SATB2: variants seen among roughly 807,000 people sequenced by gnomAD.
SATB2 encodes the protein DNA-binding protein SATB2.
In SATB2, 1 loss-of-function variant was observed where a neutral mutation model predicts 73.4. The observed-to-expected ratio is 0.01, with a 90% CI of 0.00 to 0.06. SATB2 has a LOEUF of 0.06. SATB2 is among the 10% of genes least tolerant of loss of function. The pLI is 1.00. For synonymous variants in SATB2, 397 were observed against 367.0 expected (o/e 1.08, Z -0.93); for missense variants, 459 against 945.8 (o/e 0.49, Z 6.75).
At chr2:199,338,060 T>C (rs1455678812) in intron 7 of SATB2, among the ~76,000 whole-genome samples, 2 of 152,130 alleles carry the variant, frequency 1.3e-5, no homozygotes, top group South Asian at 4.1e-4. Flanking sequence ...CAATGGACTT[T>C]CACATTAAAA....
chr2:199,306,848 C>A (rs976366040), intron 10 of SATB2, among the ~76,000 whole-genome samples: 1 of 152,162 alleles, frequency 6.6e-6, no homozygotes, highest in Non-Finnish European at 1.5e-5. Flanking sequence ...TTATAACAAA[C>A]AATGCATTTT....
In SATB2 at chr2:199,362,256, T is replaced by A. The variant is rs1258746730; in HGVS notation, c.700+6349A>T. 3.9e-5 allele frequency among the ~76,000 whole-genome samples: 6 copies of A among 152,254 alleles called. No individual in the cohort carries two copies. The East Asian group carries it at 1.2e-3, about 29-fold the overall frequency. On this transcript the variant is annotated intron_variant, in intron 6 of 10. Coordinates refer to ENST00000417098, the MANE Select transcript of SATB2 (RefSeq NM_001172509.2). ...CGTACCTCTGCATCTGTACTGATGA[T>A]CATGCGGTTGCCCAAAACATTCCTC...
intron 10 of SATB2, among the ~76,000 whole-genome samples, chr2:199,279,725 T>C (rs1299800440): frequency 1.3e-5 from 2 of 152,222 alleles, no homozygotes; most frequent in African/African-American, 4.8e-5. Context: ...TTTATCCACG[T>C]TTATTTTGGG....
intron 3 of SATB2, among the ~76,000 whole-genome samples, chr2:199,393,673 A>C (rs1172385960): frequency 6.6e-6 from 1 of 152,200 alleles, no homozygotes; most frequent in Non-Finnish European, 1.5e-5. Flanking sequence ...TAAGGCTTCA[A>C]AACTGGAAAT....
chr2:199,402,775 CATA>C (rs1297973173), intron 3 of SATB2, among the ~76,000 whole-genome samples: 2 of 152,250 alleles, frequency 1.3e-5, no homozygotes, highest in East Asian at 1.9e-4. Flanking sequence ...GAACATATTT[CATA>C]ATAAGACATT....
chr2:199,297,642 A>G (rs1356369742), intron 10 of SATB2, among the ~76,000 whole-genome samples: 1 of 152,174 alleles, frequency 6.6e-6, no homozygotes, highest in Admixed American at 6.5e-5. Context: ...CAGATCTGCT[A>G]ATGGGGGAGA....
At chr2:199,442,406 C>T (rs560209523) in intron 2 of SATB2, among the ~76,000 whole-genome samples, 5 of 152,266 alleles carry the variant, frequency 3.3e-5, no homozygotes, top group South Asian at 2.1e-4. Context: ...TGGATGGGTG[C>T]GTAACAAAGT....
At chr2:199,419,464 T>C (rs1691099152) in intron 3 of SATB2, among the ~76,000 whole-genome samples, 2 of 152,184 alleles carry the variant, frequency 1.3e-5, no homozygotes, top group South Asian at 4.1e-4. Context: ...CTAAAGATGG[T>C]CAATTAGAAA....
At chr2:199,349,839 G>A (rs893782286) in intron 6 of SATB2, among the ~76,000 whole-genome samples, 14 of 152,042 alleles carry the variant, frequency 9.2e-5, no homozygotes, top group African/African-American at 3.4e-4. Context: ...TTCTCCTCAG[G>A]TTATCTGCTT....
chr2:199,350,455 C>T (rs971052515), intron 6 of SATB2, among the ~76,000 whole-genome samples: 3 of 151,830 alleles, frequency 2.0e-5, no homozygotes, highest in Non-Finnish European at 2.9e-5. Flanking sequence ...GACACTGATG[C>T]CAAATCACAT....
chr2:199,334,236 T>C (rs531472943), intron 7 of SATB2, among the ~76,000 whole-genome samples: 22 of 152,214 alleles, frequency 1.4e-4, no homozygotes, highest in South Asian at 4.1e-4. Flanking sequence ...TTAGAAACAT[T>C]TGGACTAGAT....
At chr2:199,467,785 G>A (rs1432888078), upstream of SATB2, among the ~76,000 whole-genome samples, 1 of 152,150 alleles carries the variant, frequency 6.6e-6, no homozygotes, top group African/African-American at 2.4e-5. Flanking sequence ...CGTTGGCCTA[G>A]GACACAGGAC....
At chr2:199,299,255 C>T (rs916118144) in intron 10 of SATB2, among the ~76,000 whole-genome samples, 2 of 152,164 alleles carry the variant, frequency 1.3e-5, no homozygotes, top group Non-Finnish European at 2.9e-5. Flanking sequence ...TTTTAAAATG[C>T]CACTTGATCA....
At chr2:199,458,740 C>T (rs1692379832), upstream of SATB2, 2 of 424,912 alleles carry the variant, frequency 4.7e-6, no homozygotes, top group Non-Finnish European at 9.4e-6. Context: ...GATAGGAGGG[C>T]GATCGCCTCC....
chr2:199,331,274 G>T (rs527472190), intron 7 of SATB2, among the ~76,000 whole-genome samples: 1 of 149,224 alleles, frequency 6.7e-6, no homozygotes. Flanking sequence ...TTTACATACT[G>T]GAAAACCTTA....
In SATB2 at chr2:199,338,027, G is replaced by A. The variant is rs563678336; in HGVS notation, c.1174-9117C>T. On this transcript the variant is annotated intron_variant, in intron 7 of 10. Transcript: ENST00000417098. ...TAAATATAACATCACTCAGAATTTC[G>A]GGAGACTAGTTAAATAATACAACAA... 3.3e-5 allele frequency among the ~76,000 whole-genome samples: 5 copies of A among 151,884 alleles called. No individual in the cohort carries two copies. The East Asian group carries it at 5.8e-4, about 18-fold the overall frequency.
intron 7 of SATB2, among the ~76,000 whole-genome samples, chr2:199,343,068 C>T (rs1219912008): frequency 6.6e-6 from 1 of 151,886 alleles, no homozygotes; most frequent in Non-Finnish European, 1.5e-5. Flanking sequence ...TCTTTTCTAA[C>T]AGTTCCAGGT....
intron 3 of SATB2, among the ~76,000 whole-genome samples, chr2:199,401,934 T>C (rs552352936): frequency 6.6e-6 from 1 of 152,270 alleles, no homozygotes; most frequent in Non-Finnish European, 1.5e-5. Flanking sequence ...TCATTTAGGT[T>C]ACTGGGGGAG....
chr2:199,296,011 T>G (rs770036399), intron 10 of SATB2, among the ~76,000 whole-genome samples: 1 of 152,196 alleles, frequency 6.6e-6, no homozygotes, highest in Non-Finnish European at 1.5e-5. Flanking sequence ...AGCAGTAGTT[T>G]GCAGCTACAT....
Sources: gnomAD v4.1 joint callset for allele counts (sites outside exome capture counted in the v4.1 genomes callset) on GRCh38, gnomAD v4.1.1 for gene constraint, MANE v1.5 for transcripts, NCBI Gene and HGNC (gene_info 2026-07-23, HGNC 2026-07-21) for gene names.